Variants in KIAA1217 observed in about 807,000 individuals in gnomAD.
KIAA1217 encodes sickle tail protein homolog.
In KIAA1217, 88 loss-of-function variants were observed where a neutral mutation model predicts 163.9. The ratio of observed to expected loss-of-function variants is 0.54; its 90% CI spans 0.45 to 0.64. KIAA1217 has a LOEUF of 0.64. KIAA1217 is among the 30% of genes least tolerant of loss of function. The pLI, the probability that KIAA1217 is intolerant of heterozygous loss-of-function variation, is 0.00. For missense variants in KIAA1217, 2,372 were observed against 2,475.0 expected (o/e 0.96, Z 0.88); for synonymous variants, 903 against 923.1 (o/e 0.98, Z 0.39).
At chr10:24,533,370 G>T in intron 16 of KIAA1217, 133 bp downstream of exon 16, 1 of 846,648 alleles carries the variant, frequency 1.2e-6, no homozygotes, top group Admixed American at 3.3e-5. Flanking sequence ...GTGTCTTCTG[G>T]CCTTAGCCTT....
intron 1 of KIAA1217, among the ~76,000 whole-genome samples, chr10:23,710,118 G>A (rs1837157311): frequency 6.6e-6 from 1 of 152,198 alleles, no homozygotes; most frequent in Admixed American, 6.5e-5. Context: ...GGATGACTCA[G>A]AGAATAACTG....
At chr10:24,200,518 C>T (rs948210268) in intron 2 of KIAA1217, among the ~76,000 whole-genome samples, 14 of 152,156 alleles carry the variant, frequency 9.2e-5, no homozygotes, top group South Asian at 2.1e-4. Flanking sequence ...CCTCAGCTTT[C>T]GCCTGCCATA....
chr10:24,068,805 C>G (rs2061070956), intron 2 of KIAA1217, among the ~76,000 whole-genome samples: 1 of 152,238 alleles, frequency 6.6e-6, no homozygotes, highest in African/African-American at 2.4e-5. Context: ...ATGCACCCAA[C>G]TCTTTCCTTC....
chr10:24,282,206 A>ATT (rs35881254), intron 2 of KIAA1217, among the ~76,000 whole-genome samples: 1 of 151,442 alleles, frequency 6.6e-6, no homozygotes, highest in Admixed American at 6.6e-5. Flanking sequence ...CCTCTACAAA[A>ATT]TTTTTTTTTC....
At chr10:24,043,289 T>G (rs985313189) in intron 2 of KIAA1217, among the ~76,000 whole-genome samples, 1 of 152,202 alleles carries the variant, frequency 6.6e-6, no homozygotes, top group Non-Finnish European at 1.5e-5. Context: ...GGCCCTGTGA[T>G]TTTATAGTAA....
At chr10:23,921,377 A>T (rs1033551831) in intron 1 of KIAA1217, among the ~76,000 whole-genome samples, 2 of 152,168 alleles carry the variant, frequency 1.3e-5, no homozygotes, top group Non-Finnish European at 2.9e-5. Context: ...TCCATCAGAG[A>T]GAGAACTTGT....
chr10:23,830,846 A>ACACACACT (rs1554805372), intron 1 of KIAA1217, among the ~76,000 whole-genome samples: 19 of 151,800 alleles, frequency 1.3e-4, no homozygotes, highest in African/African-American at 4.6e-4. Flanking sequence ...ACACACACAC[A>ACACACACT]CACTCACTCA....
chr10:23,796,549 G>T (rs932968047), intron 1 of KIAA1217, among the ~76,000 whole-genome samples: 1 of 151,956 alleles, frequency 6.6e-6, no homozygotes, highest in African/African-American at 2.4e-5. Context: ...TTTTAGTAGA[G>T]TTGGGGTTTC....
intron 2 of KIAA1217, among the ~76,000 whole-genome samples, chr10:24,073,526 A>T (rs2061263141): frequency 6.6e-6 from 1 of 152,234 alleles, no homozygotes. Flanking sequence ...GCATAAGGAT[A>T]AAATCATCCA....
chr10:24,379,865 A>C (rs1194235378), intron 2 of KIAA1217, among the ~76,000 whole-genome samples: 5 of 152,078 alleles, frequency 3.3e-5, no homozygotes, highest in East Asian at 1.9e-4. Context: ...CACCCTAGCC[A>C]ACGTGGCAAA....
intron 2 of KIAA1217, among the ~76,000 whole-genome samples, chr10:24,361,486 C>T (rs1591311906): frequency 6.6e-6 from 1 of 152,136 alleles, no homozygotes; most frequent in South Asian, 2.1e-4. Flanking sequence ...CAGTGCCCAG[C>T]CCATTGTTTT....
intron 2 of KIAA1217, among the ~76,000 whole-genome samples, chr10:24,193,801 T>TACAC (rs10562687): frequency 0.036 from 5,106 of 142,318 alleles, 103 homozygotes; most frequent in Non-Finnish European, 0.044. Context: ...CAGCGTTTTC[T>TACAC]ACACACACAC....
intron 3 of KIAA1217, among the ~76,000 whole-genome samples, chr10:24,429,686 G>A (rs2059436960): frequency 1.3e-5 from 2 of 152,042 alleles, no homozygotes; most frequent in South Asian, 4.2e-4. Context: ...GTTTCTTTGG[G>A]TGTTTTCATT....
At chr10:23,737,947 T>C (rs752950064) in intron 1 of KIAA1217, among the ~76,000 whole-genome samples, 13 of 152,266 alleles carry the variant, frequency 8.5e-5, no homozygotes, top group Middle Eastern at 3.4e-3. Context: ...TTTTTCATCT[T>C]GTAGCTGATT....
intron 3 of KIAA1217, among the ~76,000 whole-genome samples, chr10:24,426,850 G>C (rs746732406): frequency 6.6e-6 from 1 of 152,188 alleles, no homozygotes; most frequent in Non-Finnish European, 1.5e-5. Context: ...CGGTGCCCTA[G>C]CAAAGTGGGA....
At chr10:23,702,527 A>G (rs183064435) in intron 1 of KIAA1217, among the ~76,000 whole-genome samples, 77 of 152,244 alleles carry the variant, frequency 5.1e-4, no homozygotes, top group African/African-American at 1.6e-3. Context: ...TTGCTTTTTC[A>G]TATGGGAAAA....
At chr10:24,396,210 A>G (rs1591585684) in intron 3 of KIAA1217, among the ~76,000 whole-genome samples, 2 of 151,968 alleles carry the variant, frequency 1.3e-5, no homozygotes, top group South Asian at 4.2e-4. Flanking sequence ...GGTGGCAGGC[A>G]CCTGTAATCC....
intron 2 of KIAA1217, among the ~76,000 whole-genome samples, chr10:24,308,505 G>A (rs2042258920): frequency 6.6e-6 from 1 of 152,176 alleles, no homozygotes; most frequent in Non-Finnish European, 1.5e-5. Context: ...TTAGAACAAG[G>A]CAAGGTCCAC....
rs191030290 is a variant in KIAA1217, at chr10:23,878,934, C to T, written c.-320-128291C>T. On this transcript the variant is annotated intron_variant, in intron 1 of 18. Transcript: ENST00000376462. ...GAAGGATGGAGTTGTCATTTATTGGCATGGAGAAGACTGCAAAAACAAGTT... is the reference window on the plus strand; with the variant it reads ...GAAGGATGGAGTTGTCATTTATTGGTATGGAGAAGACTGCAAAAACAAGTT... Among the ~76,000 whole-genome samples, 86 of 151,962 alleles carry T rather than the reference C, an allele frequency of 5.7e-4. 4 individuals carry two copies. In the East Asian group the frequency reaches 0.017, roughly 29 times the overall value.
Sources: allele counts gnomAD v4.1 joint callset (sites outside exome capture counted in the v4.1 genomes callset), GRCh38; gene constraint gnomAD v4.1.1; transcripts MANE v1.5; gene names NCBI Gene and HGNC (gene_info 2026-07-23, HGNC 2026-07-21).